Variants in LINGO3 observed in about 807,000 individuals in gnomAD.
LINGO3 encodes leucine-rich repeat and immunoglobulin-like domain-containing nogo receptor-interacting protein 3.
For synonymous variants in LINGO3, 427 were observed against 444.2 expected, an observed-to-expected ratio of 0.96 and a Z score of 0.49; for missense variants, 750 against 867.7, an observed-to-expected ratio of 0.86 and a Z score of 1.70.
the LINGO3 span, among the ~76,000 whole-genome samples, chr19:2,305,791 GCCC>G: frequency 6.6e-6 from 1 of 152,304 alleles, no homozygotes; most frequent in South Asian, 2.1e-4. Flanking sequence ...TGCTCTGGAT[GCCC>G]CGTTTGAGCT....
At chr19:2,304,623 G>T in the LINGO3 span, among the ~76,000 whole-genome samples, 1 of 152,056 alleles carries the variant, frequency 6.6e-6, no homozygotes, top group Non-Finnish European at 1.5e-5. Flanking sequence ...GCCAAGGGAT[G>T]CGGGTGCCTC....
At position 2,289,930 on chromosome 19, in the gene LINGO3, T is replaced by G. The variant is rs1599163139; in HGVS notation, c.*68A>C. On this transcript the variant is annotated 3_prime_UTR_variant, in exon 1 of 1. Transcript: ENST00000585527. ...AGCCGTCCCCTTCCCCTCCGGGAAA[T>G]GCATAGGTGGACACGCGAGCGGCCG... The G allele has an allele frequency of 3.8e-6, 5 of 1,329,882 alleles. No homozygotes were observed. The East Asian group carries it at 1.0e-4, about 28-fold the overall frequency. The allele number at this position is 1,329,882 out of a possible 1,614,324, so 82.4% of individuals were successfully genotyped here.
chr19:2,307,774 G>A, the LINGO3 span, among the ~76,000 whole-genome samples: 1 of 152,050 alleles, frequency 6.6e-6, no homozygotes, highest in East Asian at 1.9e-4. Flanking sequence ...TCCTGGAGAG[G>A]AGCGCATCCT....
exon 1 of LINGO3, chr19:2,289,980 G>A: frequency 6.7e-7 from 1 of 1,495,136 alleles, no homozygotes; most frequent in Non-Finnish European, 9.0e-7. Flanking sequence ...GGAGGGGAGG[G>A]TCCGCCCTGG....
At chr19:2,294,977 G>A (rs1325156394), upstream of LINGO3, among the ~76,000 whole-genome samples, 1 of 152,070 alleles carries the variant, frequency 6.6e-6, no homozygotes, top group Non-Finnish European at 1.5e-5. This position sits in a 1 kb window ranked among gnomAD's most constrained non-coding sequence, Gnocchi z 4.3. Context: ...CCCAAACCAG[G>A]TTGTGCGTCT....
upstream of LINGO3, among the ~76,000 whole-genome samples, chr19:2,292,801 T>C (rs1331481583): frequency 6.6e-6 from 1 of 151,944 alleles, no homozygotes; most frequent in East Asian, 1.9e-4. Context: ...CTCCTGGGTG[T>C]CTTTGCATAA....
the LINGO3 span, among the ~76,000 whole-genome samples, chr19:2,303,906 A>G: frequency 6.6e-6 from 1 of 152,202 alleles, no homozygotes; most frequent in African/African-American, 2.4e-5. Flanking sequence ...TGAATCGGCC[A>G]CTGACTGCCT....
chr19:2,294,633 G>A (rs2025557233), upstream of LINGO3, among the ~76,000 whole-genome samples: 1 of 151,946 alleles, frequency 6.6e-6, no homozygotes, highest in African/African-American at 2.4e-5. This position sits in a 1 kb window ranked among gnomAD's most constrained non-coding sequence, Gnocchi z 4.3. Context: ...GGTTAGGAGG[G>A]GCCTCTGGGT....
chr19:2,300,339 G>A, the LINGO3 span, among the ~76,000 whole-genome samples: 1 of 151,994 alleles, frequency 6.6e-6, no homozygotes, highest in South Asian at 2.1e-4. Context: ...GCCCCAGGCT[G>A]ATTCTTTAGG....
At chr19:2,303,662 T>C in the LINGO3 span, among the ~76,000 whole-genome samples, 3 of 152,198 alleles carry the variant, frequency 2.0e-5, no homozygotes, top group Non-Finnish European at 4.4e-5. Flanking sequence ...CGTCCAGCTC[T>C]GCGTGGTCCG....
At chr19:2,291,516 C>T in exon 1 of LINGO3, 2 of 1,609,960 alleles carry the variant, frequency 1.2e-6, no homozygotes, top group Non-Finnish European at 1.7e-6. Flanking sequence ...CGATGGCGTT[C>T]TCGCTCAGGT....
Position 2,290,098 on chromosome 19 carries a change from T to C in LINGO3, c.1679A>G (p.Lys560Arg). 6.2e-7 allele frequency: 1 copy of C among 1,600,828 alleles called. No homozygotes were observed. Among genetic ancestry groups the C allele is most frequent in the East Asian group, 2.3e-5 (1 of 44,314 alleles). ...GGAGTACTCCACCGAGAAGTTGTTTTTGTGCTGCCCGCGGCCGCGGCTCCA... is the reference window on the plus strand; with the variant it reads ...GGAGTACTCCACCGAGAAGTTGTTTCTGTGCTGCCCGCGGCCGCGGCTCCA... The change falls in exon 1 of 1, where the codon AAA becomes AGA. Residue 560 changes from lysine to arginine, a missense_variant. Transcript: ENST00000585527. The surrounding 1 kb of genome is among the most constrained non-coding windows in gnomAD (Gnocchi z 6.0).
At chr19:2,302,004 A>G in the LINGO3 span, among the ~76,000 whole-genome samples, 2 of 150,012 alleles carry the variant, frequency 1.3e-5, no homozygotes, top group Admixed American at 1.3e-4. Flanking sequence ...AACACAACAG[A>G]GAACAGAGGC....
upstream of LINGO3, among the ~76,000 whole-genome samples, chr19:2,296,021 C>G (rs186251423): frequency 6.6e-6 from 1 of 152,254 alleles, no homozygotes; most frequent in Non-Finnish European, 1.5e-5. Context: ...GCATGCCCCC[C>G]CCAACCCCGG....
chr19:2,295,066 C>A (rs907125056), upstream of LINGO3, among the ~76,000 whole-genome samples: 1 of 152,190 alleles, frequency 6.6e-6, no homozygotes, highest in South Asian at 2.1e-4. Flanking sequence ...AGTGCCTACG[C>A]GAATTTAATC....
chr19:2,294,519 G>A (rs1447670422), upstream of LINGO3, among the ~76,000 whole-genome samples: 1 of 152,186 alleles, frequency 6.6e-6, no homozygotes, highest in Non-Finnish European at 1.5e-5. This position sits in a 1 kb window ranked among gnomAD's most constrained non-coding sequence, Gnocchi z 4.3. Flanking sequence ...ATGGTTTTCT[G>A]GAGGAAGGGT....
upstream of LINGO3, among the ~76,000 whole-genome samples, chr19:2,293,990 C>T (rs139409515): frequency 1.9e-3 from 284 of 152,034 alleles, 1 homozygote; most frequent in Non-Finnish European, 3.3e-3. Context: ...GTTGAGGCTT[C>T]AGTGAGCTGT....
the LINGO3 span, among the ~76,000 whole-genome samples, chr19:2,297,528 C>T: frequency 6.6e-6 from 1 of 151,138 alleles, no homozygotes; most frequent in South Asian, 2.1e-4. Flanking sequence ...TGGTCTCGAT[C>T]TCCTGACCTC....
At chr19:2,299,981 C>T in the LINGO3 span, among the ~76,000 whole-genome samples, 3 of 150,282 alleles carry the variant, frequency 2.0e-5, no homozygotes, top group Non-Finnish European at 4.4e-5. Flanking sequence ...CCTCGGCCTC[C>T]CAAAGTGCTG....
Sources: allele counts gnomAD v4.1 joint callset (sites outside exome capture counted in the v4.1 genomes callset), GRCh38; gene constraint gnomAD v4.1.1; non-coding constraint Gnocchi (gnomAD v3.1); transcripts MANE v1.5; gene names NCBI Gene and HGNC (gene_info 2026-07-23, HGNC 2026-07-21).